ARFIP1: variants seen among roughly 807,000 people sequenced by gnomAD.
ARFIP1 encodes ARF interacting protein 1.
Under a neutral mutation model 42.5 loss-of-function variants are expected in ARFIP1, and 24 were observed. That is an observed-to-expected ratio of 0.57 (90% CI 0.41 to 0.80). The LOEUF (loss-of-function observed/expected upper bound fraction) is 0.80, where lower values mean the gene tolerates loss of function less well. Among genes scored for constraint, ARFIP1 ranks in the 30% least tolerant of loss-of-function variants. The pLI, the probability that ARFIP1 is intolerant of heterozygous loss-of-function variation, is 0.00. For synonymous variants in ARFIP1, 141 were observed against 153.7 expected (o/e 0.92, Z 0.61); for missense variants, 354 against 434.0 (o/e 0.82, Z 1.64).
chr4:152,873,618 C>T (rs1435887499), intron 5 of ARFIP1, among the ~76,000 whole-genome samples: 1 of 152,162 alleles, frequency 6.6e-6, no homozygotes, highest in African/African-American at 2.4e-5. Context: ...TTCCACATAG[C>T]CAGTCAGTCG....
At chr4:152,781,571 G>A (rs1298212385) in intron 1 of ARFIP1, among the ~76,000 whole-genome samples, 2 of 152,148 alleles carry the variant, frequency 1.3e-5, no homozygotes, top group Non-Finnish European at 2.9e-5. Context: ...TCTCAGAGCG[G>A]CTACAGATTA....
At chr4:152,908,576 C>T (rs980581939) in intron 8 of ARFIP1, among the ~76,000 whole-genome samples, 1 of 151,982 alleles carries the variant, frequency 6.6e-6, no homozygotes, top group African/African-American at 2.4e-5. Context: ...CGCCACTGCA[C>T]TCCAGCCTGG....
In ARFIP1 at chr4:152,881,015, A is replaced by C; in HGVS notation, c.464A>C (p.Asp155Ala). ...EKLGRGSRTVDLELEAQIDIL... is the reference protein window; with the variant it reads ...EKLGRGSRTVALELEAQIDIL... ...CTAGGCCGTGGCTCAAGAACTGTGG[A>C]CCTTGAACTTGAAGCTCAGATTGAT... The change falls in exon 6 of 9, where the codon GAC becomes GCC. Residue 155 changes from aspartate to alanine, a missense_variant. Transcript: ENST00000353617. 6.2e-7 allele frequency: 1 copy of C among 1,613,918 alleles called. No homozygotes were observed. Among genetic ancestry groups the C allele is most frequent in the Non-Finnish European group, 8.5e-7 (1 of 1,179,866 alleles).
intron 3 of ARFIP1, among the ~76,000 whole-genome samples, chr4:152,866,234 T>C (rs895353277): frequency 6.6e-6 from 1 of 152,240 alleles, no homozygotes; most frequent in African/African-American, 2.4e-5. Flanking sequence ...TTTTTCTTAG[T>C]ACAGAAAAAA....
chr4:152,831,250 A>G (rs749992476), intron 2 of ARFIP1, among the ~76,000 whole-genome samples: 9 of 152,208 alleles, frequency 5.9e-5, no homozygotes, highest in Non-Finnish European at 1.0e-4. Flanking sequence ...TTACTATGCA[A>G]GTATTTACTG....
chr4:152,815,156 G>C (rs533883880), intron 1 of ARFIP1, among the ~76,000 whole-genome samples: 26 of 152,250 alleles, frequency 1.7e-4, no homozygotes, highest in African/African-American at 6.0e-4. Flanking sequence ...ATATCCCAGA[G>C]TGTAGTTTTT....
At chr4:152,855,459 C>G (rs1348946610) in intron 2 of ARFIP1, among the ~76,000 whole-genome samples, 1 of 152,156 alleles carries the variant, frequency 6.6e-6, no homozygotes, top group Admixed American at 6.5e-5. Flanking sequence ...TGGCGGCAGC[C>G]TAGGCTGGTG....
At chr4:152,798,250 G>A (rs528241497) in intron 1 of ARFIP1, among the ~76,000 whole-genome samples, 43 of 152,206 alleles carry the variant, frequency 2.8e-4, no homozygotes, top group South Asian at 8.3e-4. Context: ...GCGACAGAGC[G>A]AGACACCGTC....
intron 1 of ARFIP1, among the ~76,000 whole-genome samples, chr4:152,788,103 T>C (rs1730917363): frequency 6.6e-6 from 1 of 152,032 alleles, no homozygotes; most frequent in African/African-American, 2.4e-5. Context: ...CGTGGTGACC[T>C]GCACCTGTAA....
intron 1 of ARFIP1, among the ~76,000 whole-genome samples, chr4:152,785,037 T>C (rs1461035857): frequency 6.6e-6 from 1 of 152,136 alleles, no homozygotes; most frequent in East Asian, 1.9e-4. Flanking sequence ...TAGCCTGAGA[T>C]ACTCATCATG....
chr4:152,830,420 G>A (rs192861284), intron 2 of ARFIP1, among the ~76,000 whole-genome samples: 1 of 152,230 alleles, frequency 6.6e-6, no homozygotes, highest in East Asian at 1.9e-4. Flanking sequence ...AGAAATGATA[G>A]TGATGGTTAT....
At position 152,906,513 on chromosome 4, in the gene ARFIP1, A is replaced by G. The variant is rs532584321; in HGVS notation, c.967-3551A>G. Among the ~76,000 whole-genome samples the G allele has an allele frequency of 2.8e-3, 426 of 152,240 alleles. 3 individuals are homozygous for G. The highest frequency in any genetic ancestry group is 9.9e-3 in the African/African-American group (413 of 41,552). ...CAGATTCCATTGGCTTCATCTTCACATTATATTCAGAATCCCACCTCTTCT... is the reference window on the plus strand; with the variant it reads ...CAGATTCCATTGGCTTCATCTTCACGTTATATTCAGAATCCCACCTCTTCT... On this transcript the variant is annotated intron_variant, in intron 8 of 8. Coordinates refer to ENST00000353617, the MANE Select transcript of ARFIP1 (RefSeq NM_001025595.3).
At chr4:152,909,218 C>T (rs1738636734) in intron 8 of ARFIP1, among the ~76,000 whole-genome samples, 1 of 152,038 alleles carries the variant, frequency 6.6e-6, no homozygotes, top group Admixed American at 6.5e-5. Flanking sequence ...AACCCCATCT[C>T]TACCAAAAAT....
At chr4:152,804,629 A>G (rs1284336412) in intron 1 of ARFIP1, among the ~76,000 whole-genome samples, 1 of 149,716 alleles carries the variant, frequency 6.7e-6, no homozygotes, top group Non-Finnish European at 1.5e-5. Flanking sequence ...ATCACTTGCT[A>G]GCTGTGTATC....
chr4:152,891,382 C>T (rs184160142), intron 8 of ARFIP1, among the ~76,000 whole-genome samples: 103 of 152,282 alleles, frequency 6.8e-4, no homozygotes, highest in Admixed American at 1.8e-3. Context: ...CTCTTCAAAA[C>T]GATAAGTATT....
chr4:152,850,737 C>G (rs960927311), intron 2 of ARFIP1: 4 of 152,186 alleles, frequency 2.6e-5, no homozygotes, highest in African/African-American at 9.7e-5. Flanking sequence ...GGTTTGAGAA[C>G]TGGTTGTTTA....
At chr4:152,886,487 A>G (rs1323065289) in intron 7 of ARFIP1, among the ~76,000 whole-genome samples, 1 of 151,980 alleles carries the variant, frequency 6.6e-6, no homozygotes, top group Non-Finnish European at 1.5e-5. Context: ...GCCTTTGTCC[A>G]TGCTATTCTC....
At chr4:152,894,389 G>A (rs1737135996) in intron 8 of ARFIP1, among the ~76,000 whole-genome samples, 2 of 152,082 alleles carry the variant, frequency 1.3e-5, no homozygotes, top group African/African-American at 2.4e-5. Context: ...AAAGTTTAAG[G>A]AGCATGTTAA....
intron 1 of ARFIP1, among the ~76,000 whole-genome samples, chr4:152,807,754 A>G (rs188560601): frequency 6.6e-6 from 1 of 150,588 alleles, no homozygotes; most frequent in Non-Finnish European, 1.5e-5. Flanking sequence ...AGAGGTTTTT[A>G]ATTTTAATGA....
Sources: gnomAD v4.1 joint callset for allele counts (sites outside exome capture counted in the v4.1 genomes callset) on GRCh38, gnomAD v4.1.1 for gene constraint, MANE v1.5 for transcripts, NCBI Gene and HGNC (gene_info 2026-07-23, HGNC 2026-07-21) for gene names.